The following LUZP2 variants were observed in gnomAD, a reference collection of about 807,000 sequenced individuals.
The protein encoded by LUZP2 is leucine zipper protein 2.
A neutral mutation model predicts 51.6 loss-of-function variants in LUZP2; 52 were observed. The ratio of observed to expected loss-of-function variants is 1.01; its 90% CI spans 0.81 to 1.27. LUZP2 has a LOEUF of 1.27. Ranked by LOEUF, LUZP2 falls within the 50% of genes most tolerant of loss-of-function variation. The pLI is 0.00. For synonymous variants in LUZP2, 154 were observed against 137.3 expected, an observed-to-expected ratio of 1.12 and a Z score of -0.85; for missense variants, 436 against 395.4, an observed-to-expected ratio of 1.10 and a Z score of -0.87.
intron 7 of LUZP2, among the ~76,000 whole-genome samples, chr11:24,916,444 C>T (rs558067625): frequency 6.6e-6 from 1 of 151,958 alleles, no homozygotes; most frequent in South Asian, 2.1e-4. Flanking sequence ...ATTAACTCAT[C>T]ATTTACATTA....
intron 5 of LUZP2, among the ~76,000 whole-genome samples, chr11:24,872,046 C>G (rs932883860): frequency 2.0e-5 from 3 of 152,076 alleles, no homozygotes; most frequent in African/African-American, 7.2e-5. Flanking sequence ...TTCATCCCCA[C>G]ACCACCTGTT....
chr11:24,728,068 A>C (rs1268429870), intron 1 of LUZP2, among the ~76,000 whole-genome samples: 1 of 152,052 alleles, frequency 6.6e-6, no homozygotes, highest in Non-Finnish European at 1.5e-5. Context: ...AACACATGAA[A>C]ATGTGGGTAA....
At chr11:24,813,124 C>T (rs575593566) in intron 5 of LUZP2, among the ~76,000 whole-genome samples, 8 of 152,212 alleles carry the variant, frequency 5.3e-5, no homozygotes, top group South Asian at 2.1e-4. Flanking sequence ...AGACTGACAC[C>T]ATTCTCTCAT....
At chr11:24,563,147 G>C (rs565422336) in intron 1 of LUZP2, among the ~76,000 whole-genome samples, 22 of 152,230 alleles carry the variant, frequency 1.4e-4, no homozygotes, top group Middle Eastern at 3.4e-3. Context: ...CAAGGCATTC[G>C]GAAGCTACGA....
At chr11:24,549,994 A>C (rs1404050485) in intron 1 of LUZP2, among the ~76,000 whole-genome samples, 1 of 152,046 alleles carries the variant, frequency 6.6e-6, no homozygotes, top group African/African-American at 2.4e-5. Context: ...ACAGGAGAAA[A>C]CCCACCACCC....
chr11:24,777,993 G>A (rs1241365368), intron 5 of LUZP2, among the ~76,000 whole-genome samples: 1 of 152,024 alleles, frequency 6.6e-6, no homozygotes, highest in Admixed American at 6.6e-5. Context: ...CTTGTTGAGT[G>A]AATGATAAAT....
intron 5 of LUZP2, among the ~76,000 whole-genome samples, chr11:24,783,417 T>G (rs562033728): frequency 6.6e-6 from 1 of 152,092 alleles, no homozygotes; most frequent in South Asian, 2.1e-4. Flanking sequence ...ACCTGGTAAA[T>G]GTATTTGCTA....
At chr11:24,526,445 C>T (rs1240950690) in intron 1 of LUZP2, among the ~76,000 whole-genome samples, 9 of 87,004 alleles carry the variant, frequency 1.0e-4, no homozygotes, top group Non-Finnish European at 2.3e-4. Context: ...AATTTTAATC[C>T]TACTCTCTAC....
At chr11:24,903,812 A>G (rs2133783842) in intron 5 of LUZP2, among the ~76,000 whole-genome samples, 1 of 152,310 alleles carries the variant, frequency 6.6e-6, no homozygotes, top group African/African-American at 2.4e-5. Context: ...CAGATGGTTA[A>G]TAAGTGTCAA....
At chr11:25,064,616 C>T (rs1394156341) in intron 10 of LUZP2, among the ~76,000 whole-genome samples, 1 of 152,004 alleles carries the variant, frequency 6.6e-6, no homozygotes, top group Non-Finnish European at 1.5e-5. Context: ...TGGTGTAGGT[C>T]TCAGAGGTGA....
intron 9 of LUZP2, among the ~76,000 whole-genome samples, chr11:25,042,155 T>C (rs185834073): frequency 1.3e-5 from 2 of 152,216 alleles, no homozygotes; most frequent in Admixed American, 1.3e-4. Flanking sequence ...ATTAAAAATA[T>C]GCACAGACTA....
At chr11:24,631,793 C>A (rs752762990) in intron 1 of LUZP2, among the ~76,000 whole-genome samples, 1 of 151,896 alleles carries the variant, frequency 6.6e-6, no homozygotes, top group Non-Finnish European at 1.5e-5. Flanking sequence ...TTGTAGAATG[C>A]AGCTGTGAAT....
intron 4 of LUZP2, among the ~76,000 whole-genome samples, chr11:24,759,267 T>A (rs1388807811): frequency 6.6e-6 from 1 of 152,128 alleles, no homozygotes; most frequent in Non-Finnish European, 1.5e-5. Flanking sequence ...AATAAAGAAT[T>A]GTTATGTTCT....
chr11:24,714,764 G>A (rs995258034), intron 1 of LUZP2, among the ~76,000 whole-genome samples: 1 of 152,108 alleles, frequency 6.6e-6, no homozygotes, highest in Admixed American at 6.6e-5. Context: ...TGCAACCTAA[G>A]GGACAGCCTG....
rs149783540 is a variant in LUZP2, at chr11:24,815,762, C to A, written c.396+52454C>A. Among the ~76,000 whole-genome samples the A allele has an allele frequency of 7.3e-3, 1,104 of 152,156 alleles. 3 individuals carry two copies. The highest frequency in any genetic ancestry group is 0.012 in the Non-Finnish European group (789 of 67,986). On this transcript the variant is annotated intron_variant, in intron 5 of 11. Coordinates refer to ENST00000336930, the MANE Select transcript of LUZP2 (RefSeq NM_001009909.4). The stretch of plus-strand genomic sequence containing the variant: ...ATCGTGGGTTTTCAAGTATAAAATG[C>A]TCTGAGTGTCATTAAAGTAGCTTGT...
intron 1 of LUZP2, among the ~76,000 whole-genome samples, chr11:24,549,984 A>G (rs1851677566): frequency 1.3e-5 from 2 of 152,042 alleles, no homozygotes; most frequent in Non-Finnish European, 2.9e-5. Context: ...GTACATATCA[A>G]CAGGAGAAAA....
intron 5 of LUZP2, among the ~76,000 whole-genome samples, chr11:24,856,226 T>A (rs755087490): frequency 3.3e-5 from 5 of 152,038 alleles, no homozygotes; most frequent in African/African-American, 4.8e-5. Flanking sequence ...TGTCTAGAAT[T>A]TACAAGGAAC....
chr11:25,058,522 G>C (rs1858748983), intron 10 of LUZP2, among the ~76,000 whole-genome samples: 1 of 152,042 alleles, frequency 6.6e-6, no homozygotes, highest in Non-Finnish European at 1.5e-5. Flanking sequence ...TCCTTCTCTG[G>C]GTTTCCATTG....
intron 4 of LUZP2, among the ~76,000 whole-genome samples, chr11:24,751,287 G>T (rs542821917): frequency 5.9e-5 from 9 of 152,206 alleles, no homozygotes; most frequent in African/African-American, 2.2e-4. Flanking sequence ...AAAGAAAGAT[G>T]ACTCACAGAA....
Sources: gnomAD v4.1 joint callset for allele counts (sites outside exome capture counted in the v4.1 genomes callset) on GRCh38, gnomAD v4.1.1 for gene constraint, MANE v1.5 for transcripts, NCBI Gene and HGNC (gene_info 2026-07-23, HGNC 2026-07-21) for gene names.